The following EPG5 variants were observed in gnomAD, a reference collection of about 807,000 sequenced individuals.
The protein encoded by EPG5 is ectopic P granules protein 5 homolog.
Under a neutral mutation model 302.7 loss-of-function variants are expected in EPG5, and 159 were observed. That is an observed-to-expected ratio of 0.53 (90% CI 0.46 to 0.60). The LOEUF (loss-of-function observed/expected upper bound fraction) is 0.60, where lower values mean the gene tolerates loss of function less well. Ranked by LOEUF, EPG5 falls within the 20% of genes least tolerant of loss-of-function variation. EPG5 has a pLI of 0.00. For synonymous variants in EPG5, 1,158 were observed against 1,136.8 expected (o/e 1.02, Z -0.37); for missense variants, 2,896 against 3,092.4 (o/e 0.94, Z 1.51).
At chr18:45,867,131 T>C (rs750800775) in intron 37 of EPG5, 124 bp from the exon 38 acceptor site, 15 of 687,816 alleles carry the variant, frequency 2.2e-5, no homozygotes, top group East Asian at 8.1e-5. Context: ...AGTTATGATA[T>C]CAAGTAAGTA....
At chr18:45,818,731 A>ATTT in the EPG5 span, among the ~76,000 whole-genome samples, 8 of 79,096 alleles carry the variant, frequency 1.0e-4, no homozygotes, top group African/African-American at 1.5e-4. Context: ...TTTTTGCATA[A>ATTT]CTTTTTTTTT....
At chr18:45,956,339 C>T (rs1228124571) in intron 1 of EPG5, among the ~76,000 whole-genome samples, 1 of 152,162 alleles carries the variant, frequency 6.6e-6, no homozygotes, top group Non-Finnish European at 1.5e-5. Flanking sequence ...GATCTGACAA[C>T]TAAGTGTATT....
the EPG5 span, among the ~76,000 whole-genome samples, chr18:45,820,823 A>G: frequency 6.6e-6 from 1 of 152,220 alleles, no homozygotes; most frequent in African/African-American, 2.4e-5. Flanking sequence ...ACATGATGTC[A>G]TGGGGAATAT....
downstream of EPG5, among the ~76,000 whole-genome samples, chr18:45,846,743 G>T (rs1343840176): frequency 2.0e-5 from 3 of 152,118 alleles, no homozygotes; most frequent in East Asian, 5.8e-4. Context: ...TCAAGTTTAA[G>T]AAAGTAAAAG....
At chr18:45,946,244 T>C (rs900499896) in intron 7 of EPG5, among the ~76,000 whole-genome samples, 14 of 152,210 alleles carry the variant, frequency 9.2e-5, no homozygotes, top group Non-Finnish European at 1.5e-5. Context: ...TTTGCTAAGC[T>C]CCAGCTCTTT....
rs1599649080 is a variant in EPG5 at position 45,954,631 on chromosome 18, T to G, written c.771A>C (p.Lys257Asn). The change falls in exon 2 of 44, where the codon AAA becomes AAC. Residue 257 changes from lysine (K) to asparagine (N), a missense_variant. By Grantham distance (94) the Lys-to-Asn change is moderately conservative. This residue lies in a region of EPG5 where 1,390 missense variants were observed against 1,430.0 expected (regional missense o/e 0.97). Transcript: ENST00000282041. ...CAGGCTCCAAGATTTTTAGCTGTTC[T>G]TTAGTAAATGGTACTAGTTCCAGTT... ...PSQLELVPFTKEQLKILEPGS... is the reference protein window; with the variant it reads ...PSQLELVPFTNEQLKILEPGS... 6.2e-7 allele frequency: 1 copy of G among 1,614,270 alleles called. No individual in the cohort carries two copies. The highest frequency in any genetic ancestry group is 8.5e-7 in the Non-Finnish European group (1 of 1,180,048).
rs1347877741 is a variant in EPG5, at chr18:45,929,059, A to G, written c.2413-50T>C. On this transcript the variant is annotated intron_variant, in intron 12 of 43. Transcript: ENST00000282041. Reference sequence around the variant, plus strand: ...GATGGCACTTTTAATATCAATTAGCAGTCAAAACACACTTATATCATTTTT... The same window carrying G: ...GATGGCACTTTTAATATCAATTAGCGGTCAAAACACACTTATATCATTTTT... 1.9e-6 allele frequency: 3 copies of G among 1,555,744 alleles called. No homozygotes were observed. The Admixed American group carries it at 5.2e-5, about 27-fold the overall frequency.
intron 11 of EPG5, among the ~76,000 whole-genome samples, chr18:45,931,355 G>A (rs774556935): frequency 9.9e-5 from 15 of 152,262 alleles, no homozygotes; most frequent in African/African-American, 2.2e-4. Context: ...AGTTATAACC[G>A]TAAATGAAAT....
In EPG5 at chr18:45,949,526, T is replaced by A; in HGVS notation, c.1455A>T (p.Arg485=). 6.2e-7 allele frequency: 1 copy of A among 1,613,400 alleles called. No individual in the cohort carries two copies. The highest frequency in any genetic ancestry group is 8.5e-7 in the Non-Finnish European group (1 of 1,179,520). ...DHLFLLNHIL[R]CPAGVSKWAV... ...CCCATTTACTAACACCAGCGGGGCA[T>A]CGAAGAATATGGTTTAGAAGGAAGA... Residue 485 remains arginine (R), a synonymous_variant, in exon 5 of 44, where the codon CGA becomes CGT. Transcript: ENST00000282041.
intron 6 of EPG5, 134 bp from the exon 7 acceptor site, chr18:45,946,902 T>G: frequency 1.4e-6 from 1 of 695,986 alleles, no homozygotes; most frequent in Non-Finnish European, 2.4e-6. Flanking sequence ...GAATAAGAAC[T>G]GGCCAAAAAC....
chr18:45,880,546 G>A (rs1246505176), intron 31 of EPG5, among the ~76,000 whole-genome samples: 3 of 152,080 alleles, frequency 2.0e-5, no homozygotes, highest in African/African-American at 4.8e-5. Flanking sequence ...CTCCTGGCTG[G>A]GGGACCACAG....
At position 45,892,729 on chromosome 18, in the gene EPG5, T is replaced by A. The variant is rs2049380097; in HGVS notation, c.4810-2789A>T. ...ACTTCCCATAAAATATATTTGCCTT[T>A]GTATACCCCAAACAAGCTATCCATA... On this transcript the variant is annotated intron_variant, in intron 27 of 43. Transcript: ENST00000282041. Among the ~76,000 whole-genome samples, 3 of 152,200 alleles carry A rather than the reference T, an allele frequency of 2.0e-5. 1 individual carries two copies. The South Asian group carries it at 6.2e-4, about 32-fold the overall frequency.
intron 31 of EPG5, among the ~76,000 whole-genome samples, chr18:45,881,764 T>C (rs2049103799): frequency 6.6e-6 from 1 of 152,238 alleles, no homozygotes; most frequent in Non-Finnish European, 1.5e-5. Context: ...AATGCTGCTC[T>C]TTCCCTTGGT....
At chr18:45,966,771 G>A (rs1162060459) in intron 1 of EPG5, among the ~76,000 whole-genome samples, 2 of 152,212 alleles carry the variant, frequency 1.3e-5, no homozygotes, top group Non-Finnish European at 2.9e-5. Context: ...TCCGCGTGGA[G>A]GAGGGGAACA....
At chr18:45,965,351 T>C (rs555925218) in intron 1 of EPG5, among the ~76,000 whole-genome samples, 1 of 152,332 alleles carries the variant, frequency 6.6e-6, no homozygotes, top group African/African-American at 2.4e-5. Context: ...TCAAGCACTA[T>C]ACTCATTACC....
intron 26 of EPG5, among the ~76,000 whole-genome samples, chr18:45,899,852 C>T (rs540169373): frequency 2.0e-5 from 3 of 152,320 alleles, no homozygotes; most frequent in East Asian, 1.9e-4. Flanking sequence ...ACAGACCCTA[C>T]AAGAACAACT....
Position 45,879,008 on chromosome 18 carries a change from A to G in EPG5, c.5869+5T>C. ...TAGCTCCACATCGCATGAGAAGTATATTACCTGTTTTCCTGCTGGCAGTTG... is the reference window on the plus strand; with the variant it reads ...TAGCTCCACATCGCATGAGAAGTATGTTACCTGTTTTCCTGCTGGCAGTTG... On this transcript the variant is annotated splice_donor_5th_base_variant and intron_variant, in intron 33 of 43. Transcript: ENST00000282041. 2 of 1,613,348 alleles carry G rather than the reference A, an allele frequency of 1.2e-6. No homozygotes were observed. The highest frequency in any genetic ancestry group is 1.7e-5 in the Admixed American group (1 of 60,010).
chr18:45,825,495 T>G, the EPG5 span: 1 of 562,820 alleles, frequency 1.8e-6, no homozygotes. Flanking sequence ...TCCCAGTGAT[T>G]CCCCTCTTGG....
In EPG5 at chr18:45,866,858, G is replaced by A. The variant is rs1599445697; in HGVS notation, c.6561C>T (p.Ile2187=). The A allele has an allele frequency of 1.2e-6, 2 of 1,614,166 alleles. No individual in the cohort carries two copies. Among genetic ancestry groups the A allele is most frequent in the Non-Finnish European group, 1.7e-6 (2 of 1,180,026 alleles). ...ILAKESYAEL[I]MKLLKVSAGL... ...CCGCAGACACTTTTAGGAGCTTCAT[G>A]ATTAATTCAGCATAAGATTCTTTTG... Residue 2187 remains isoleucine (I), a synonymous_variant, in exon 38 of 44, where the codon ATC becomes ATT. Coordinates refer to ENST00000282041, the MANE Select transcript of EPG5 (RefSeq NM_020964.3).
Sources: gnomAD v4.1 joint callset for allele counts (sites outside exome capture counted in the v4.1 genomes callset) on GRCh38, gnomAD v4.1.1 for gene constraint, gnomAD v4.1.1 regional missense constraint, MANE v1.5 for transcripts, NCBI Gene and HGNC (gene_info 2026-07-23, HGNC 2026-07-21) for gene names.